FAM120A: variants seen among roughly 807,000 people sequenced by gnomAD.
FAM120A encodes the protein constitutive coactivator of PPAR-gamma-like protein 1.
A neutral mutation model predicts 109.7 loss-of-function variants in FAM120A; 15 were observed. The ratio of observed to expected loss-of-function variants is 0.14; its 90% CI spans 0.09 to 0.21. FAM120A has a LOEUF of 0.21. Among genes scored for constraint, FAM120A ranks in the 10% least tolerant of loss-of-function variants. The pLI, the probability that FAM120A is intolerant of heterozygous loss-of-function variation, is 1.00. For synonymous variants in FAM120A, 493 were observed against 572.8 expected (o/e 0.86, Z 1.99); for missense variants, 899 against 1,439.3 (o/e 0.62, Z 6.07).
At chr9:93,528,585 G>A (rs1158040289) in intron 8 of FAM120A, among the ~76,000 whole-genome samples, 1 of 152,146 alleles carries the variant, frequency 6.6e-6, no homozygotes, top group African/African-American at 2.4e-5. Context: ...TCCTGTGTAT[G>A]TCCATACACT....
intron 4 of FAM120A, 62 bp downstream of exon 4, chr9:93,497,661 T>C: frequency 1.3e-6 from 2 of 1,536,518 alleles, no homozygotes; most frequent in Non-Finnish European, 1.7e-6. Context: ...TGCATAGTGG[T>C]GTGGCCAGGT....
At chr9:93,547,371 G>A (rs916253270) in intron 11 of FAM120A, among the ~76,000 whole-genome samples, 1 of 152,228 alleles carries the variant, frequency 6.6e-6, no homozygotes, top group African/African-American at 2.4e-5. Flanking sequence ...CTCTAGAGGT[G>A]CAACCCGGGT....
intron 7 of FAM120A, among the ~76,000 whole-genome samples, chr9:93,520,712 T>C (rs1182810615): frequency 6.6e-6 from 1 of 152,166 alleles, no homozygotes; most frequent in Non-Finnish European, 1.5e-5. Context: ...GTGGAACAGA[T>C]GTGTGTGCCC....
At chr9:93,457,981 A>G (rs1445797807) in intron 1 of FAM120A, among the ~76,000 whole-genome samples, 2 of 152,116 alleles carry the variant, frequency 1.3e-5, no homozygotes, top group South Asian at 2.1e-4. Flanking sequence ...TCTTCATTAT[A>G]TACTTCTCAA....
At chr9:93,508,017 G>C (rs77977302) in intron 5 of FAM120A, among the ~76,000 whole-genome samples, 5,477 of 152,196 alleles carry the variant, frequency 0.036, 168 homozygotes, top group African/African-American at 0.07. Context: ...AGGGGTTAAA[G>C]ATACAGAAGG....
At chr9:93,474,621 TC>T (rs1489985125) in intron 2 of FAM120A, among the ~76,000 whole-genome samples, 2 of 151,852 alleles carry the variant, frequency 1.3e-5, no homozygotes, top group East Asian at 3.9e-4. Flanking sequence ...TGAGACAGAG[TC>T]TTGCTCTGTC....
At chr9:93,499,495 C>T (rs146254779) in intron 5 of FAM120A, among the ~76,000 whole-genome samples, 1 of 152,120 alleles carries the variant, frequency 6.6e-6, no homozygotes, top group Non-Finnish European at 1.5e-5. Flanking sequence ...ACCATGTTGG[C>T]CAGACTTGTC....
intron 1 of FAM120A, among the ~76,000 whole-genome samples, chr9:93,468,389 C>T (rs1300979609): frequency 1.3e-5 from 2 of 152,254 alleles, no homozygotes; most frequent in African/African-American, 4.8e-5. Flanking sequence ...AGCTGTGCCC[C>T]TTGTCCTGTT....
chr9:93,497,449 A>G, intron 3 of FAM120A, 22 bp from the exon 4 acceptor site: 3 of 1,611,522 alleles, frequency 1.9e-6, no homozygotes, highest in Non-Finnish European at 2.5e-6. Context: ...TCCACTGTTG[A>G]CACTTACGTT....
At chr9:93,540,349 C>T (rs1294089503) in intron 10 of FAM120A, among the ~76,000 whole-genome samples, 1 of 152,238 alleles carries the variant, frequency 6.6e-6, no homozygotes, top group Admixed American at 6.5e-5. Flanking sequence ...TCAGTCACAT[C>T]TATTTTCTTT....
intron 15 of FAM120A, among the ~76,000 whole-genome samples, chr9:93,559,733 G>A (rs1409225513): frequency 5.3e-5 from 8 of 152,190 alleles, no homozygotes; most frequent in Non-Finnish European, 4.4e-5. Flanking sequence ...AACTGAAGCT[G>A]GCCTGTAGTT....
At chr9:93,533,825 C>G (rs1297338878) in intron 10 of FAM120A, among the ~76,000 whole-genome samples, 1 of 152,196 alleles carries the variant, frequency 6.6e-6, no homozygotes, top group African/African-American at 2.4e-5. Context: ...TTTCAGCGCA[C>G]TGCAGTGGCT....
At chr9:93,505,018 A>G (rs960930927) in intron 5 of FAM120A, among the ~76,000 whole-genome samples, 3 of 112,394 alleles carry the variant, frequency 2.7e-5, no homozygotes, top group African/African-American at 1.1e-4. Flanking sequence ...GGTTTCCTCT[A>G]TTGTGAAATG....
Position 93,565,772 on chromosome 9 carries a change from T to C in FAM120A, c.*1232T>C, listed in dbSNP as rs1459639731. The C allele has an allele frequency of 6.6e-6, 1 of 152,596 alleles. No individual in the cohort carries two copies. The highest frequency in any genetic ancestry group is 6.5e-5 in the Admixed American group (1 of 15,280). The allele number at this position is 152,596 out of a possible 1,614,324, so 9.5% of individuals were successfully genotyped here. A position where few individuals can be genotyped will look rare whatever the true frequency, so the allele number is the denominator to read the frequency against. On this transcript the variant is annotated 3_prime_UTR_variant, in exon 18 of 18. Transcript: ENST00000277165. ...CTTGAGAACTTTCCCATCAAGAATT[T>C]AGTAGAAGCAGGTATACTTCTATCA...
chr9:93,451,891 C>T lies in FAM120A; in HGVS notation c.-25C>T. 6 of 1,247,392 alleles carry T rather than the reference C, an allele frequency of 4.8e-6. No individual in the cohort carries two copies. The highest frequency in any genetic ancestry group is 6.0e-6 in the Non-Finnish European group (6 of 999,388). 77.3% of individuals were successfully genotyped at this position (1,247,392 alleles called of 1,614,324 possible). On this transcript the variant is annotated 5_prime_UTR_variant, in exon 1 of 18. Transcript: ENST00000277165. ...CGGCCCCGCCGCCCCCCGCCCGCAC[C>T]CGCGCCCGCGCCCCCGCCGCCGCCA...
intron 5 of FAM120A, among the ~76,000 whole-genome samples, chr9:93,512,452 T>C (rs758986792): frequency 6.6e-6 from 1 of 152,236 alleles, no homozygotes; most frequent in Non-Finnish European, 1.5e-5. Context: ...TTAAAAACTA[T>C]TTTTAAAGTT....
At chr9:93,550,244 A>C (rs1433758278) in intron 11 of FAM120A, among the ~76,000 whole-genome samples, 3 of 152,222 alleles carry the variant, frequency 2.0e-5, no homozygotes, top group African/African-American at 7.2e-5. Context: ...AAAATGAATG[A>C]ATCCTGAAAA....
At chr9:93,521,431 A>G (rs1860840331) in intron 7 of FAM120A, among the ~76,000 whole-genome samples, 2 of 152,000 alleles carry the variant, frequency 1.3e-5, no homozygotes, top group African/African-American at 4.8e-5. Flanking sequence ...AAAATTTAAA[A>G]ATTAGCCAGA....
At chr9:93,475,386 A>G (rs1034554831) in intron 2 of FAM120A, among the ~76,000 whole-genome samples, 2 of 152,160 alleles carry the variant, frequency 1.3e-5, no homozygotes, top group Admixed American at 6.5e-5. Flanking sequence ...CTCAACCTAT[A>G]TTATAACGTA....
Sources: gnomAD v4.1 joint callset for allele counts (sites outside exome capture counted in the v4.1 genomes callset) on GRCh38, gnomAD v4.1.1 for gene constraint, MANE v1.5 for transcripts, NCBI Gene and HGNC (gene_info 2026-07-23, HGNC 2026-07-21) for gene names.